RBFOX1: variants seen among roughly 807,000 people sequenced by gnomAD.
RBFOX1 encodes the protein RNA binding protein fox-1 homolog 1.
A neutral mutation model predicts 57.7 loss-of-function variants in RBFOX1; 8 were observed. The ratio of observed to expected loss-of-function variants is 0.14; its 90% confidence interval spans 0.08 to 0.25. RBFOX1 has a LOEUF of 0.25. Ranked by LOEUF, RBFOX1 falls within the 10% of genes least tolerant of loss-of-function variation. RBFOX1 has a pLI of 1.00. For missense variants in RBFOX1, 611 were observed against 548.5 expected, an observed-to-expected ratio of 1.11 and a Z score of -1.14; for synonymous variants, 326 against 222.4, an observed-to-expected ratio of 1.47 and a Z score of -4.15.
intron 3 of RBFOX1, among the ~76,000 whole-genome samples, chr16:5,630,943 C>T (rs1409565301): frequency 6.6e-6 from 1 of 152,150 alleles, no homozygotes; most frequent in Non-Finnish European, 1.5e-5. Context: ...TATTCCAAAA[C>T]AGCTGCAGAA....
intron 3 of RBFOX1, among the ~76,000 whole-genome samples, chr16:6,887,964 T>C (rs960501220): frequency 2.0e-5 from 3 of 152,060 alleles, no homozygotes; most frequent in African/African-American, 4.8e-5. Flanking sequence ...GCCTGTCCCA[T>C]CCTCATCATT....
At chr16:6,404,382 T>C (rs2093196715) in intron 2 of RBFOX1, among the ~76,000 whole-genome samples, 1 of 152,118 alleles carries the variant, frequency 6.6e-6, no homozygotes, top group African/African-American at 2.4e-5. Flanking sequence ...CCAATTTCTG[T>C]GGCTACTGAG....
chr16:6,921,774 T>G (rs147528120), intron 3 of RBFOX1, among the ~76,000 whole-genome samples: 89 of 145,612 alleles, frequency 6.1e-4, no homozygotes, highest in African/African-American at 1.9e-3. Context: ...TATGAAGATG[T>G]ATGTTGTATA....
At chr16:7,479,354 C>T (rs544012061) in intron 4 of RBFOX1, among the ~76,000 whole-genome samples, 1 of 152,192 alleles carries the variant, frequency 6.6e-6, no homozygotes, top group South Asian at 2.1e-4. Context: ...TAGTCTTGAA[C>T]TCCTGGGCTC....
chr16:6,766,976 T>G (rs190545372), intron 3 of RBFOX1, among the ~76,000 whole-genome samples: 2 of 152,256 alleles, frequency 1.3e-5, no homozygotes, highest in Admixed American at 1.3e-4. Context: ...GGCTGAAGGC[T>G]GAAGGAACAA....
intron 5 of RBFOX1, among the ~76,000 whole-genome samples, chr16:7,558,505 G>A (rs1480715406): frequency 6.6e-6 from 1 of 151,700 alleles, no homozygotes; most frequent in Non-Finnish European, 1.5e-5. Flanking sequence ...TTTCGTATAT[G>A]TATATACATA....
intron 3 of RBFOX1, among the ~76,000 whole-genome samples, chr16:6,674,990 C>G (rs1213648524): frequency 6.6e-6 from 1 of 152,156 alleles, no homozygotes; most frequent in Non-Finnish European, 1.5e-5. Context: ...ACTGCAACCT[C>G]TGCCTCCCAG....
intron 1 of RBFOX1, among the ~76,000 whole-genome samples, chr16:5,313,594 G>A (rs2064150165): frequency 6.6e-6 from 1 of 152,102 alleles, no homozygotes; most frequent in African/African-American, 2.4e-5. Context: ...CACATGGCTG[G>A]GGAGGCCTCA....
chr16:7,304,166 G>C, intron 4 of RBFOX1: 1 of 974,312 alleles, frequency 1.0e-6, no homozygotes, highest in African/African-American at 1.8e-5. Context: ...GGCGGGGTGC[G>C]GTGGGGGGAG....
intron 4 of RBFOX1, among the ~76,000 whole-genome samples, chr16:7,225,784 T>C (rs2093060849): frequency 6.9e-6 from 1 of 144,146 alleles, no homozygotes; most frequent in Non-Finnish European, 1.5e-5. Flanking sequence ...GGGATAGCAT[T>C]AGGAGATATA....
At chr16:6,900,773 C>G (rs529567781) in intron 3 of RBFOX1, among the ~76,000 whole-genome samples, 5 of 152,302 alleles carry the variant, frequency 3.3e-5, no homozygotes, top group Admixed American at 6.5e-5. Flanking sequence ...GTAAGACCCT[C>G]TCCTCTTCCT....
chr16:6,671,363 CATCTT>C (rs977476278), intron 3 of RBFOX1, among the ~76,000 whole-genome samples: 9 of 152,152 alleles, frequency 5.9e-5, no homozygotes, highest in Non-Finnish European at 7.3e-5. Context: ...AATAAAAACA[CATCTT>C]ATAAGATATT....
chr16:5,895,643 C>T (rs2058145865), intron 4 of RBFOX1, among the ~76,000 whole-genome samples: 1 of 152,180 alleles, frequency 6.6e-6, no homozygotes, highest in Non-Finnish European at 1.5e-5. Context: ...CACTAACGTG[C>T]AGTCTAACTG....
chr16:6,210,499 A>G (rs1392726910), intron 1 of RBFOX1, among the ~76,000 whole-genome samples: 1 of 151,958 alleles, frequency 6.6e-6, no homozygotes, highest in Admixed American at 6.6e-5. Context: ...AGAAGCTGAG[A>G]CAAGAGGATC....
chr16:6,225,110 G>T (rs1208347017), intron 1 of RBFOX1, among the ~76,000 whole-genome samples: 6 of 151,820 alleles, frequency 4.0e-5, no homozygotes, highest in African/African-American at 1.2e-4. Flanking sequence ...TCTGGGAAGT[G>T]ATGGACTACA....
At chr16:7,435,555 C>T (rs1263957043) in intron 4 of RBFOX1, among the ~76,000 whole-genome samples, 1 of 152,164 alleles carries the variant, frequency 6.6e-6, no homozygotes, top group East Asian at 1.9e-4. Flanking sequence ...CTTGAAGCAG[C>T]AGCATCTACA....
chr16:6,634,084 CACACAT>C (rs60932754), intron 2 of RBFOX1, among the ~76,000 whole-genome samples: 30,470 of 151,626 alleles, frequency 0.2, 3,092 homozygotes, highest in Non-Finnish European at 0.22. Context: ...CACATACACA[CACACAT>C]ACACATACAC....
intron 2 of RBFOX1, among the ~76,000 whole-genome samples, chr16:6,392,377 G>A (rs375303177): frequency 1.4e-4 from 22 of 152,164 alleles, no homozygotes; most frequent in African/African-American, 2.9e-4. Flanking sequence ...CCTTAAATAC[G>A]TTACATTATA....
intron 3 of RBFOX1, among the ~76,000 whole-genome samples, chr16:6,823,049 G>T (rs897357950): frequency 6.6e-6 from 1 of 152,056 alleles, no homozygotes; most frequent in Non-Finnish European, 1.5e-5. Context: ...TTTGTTATTG[G>T]CATGTGTGTT....
Sources: gnomAD v4.1 joint callset for allele counts (sites outside exome capture counted in the v4.1 genomes callset) on GRCh38, gnomAD v4.1.1 for gene constraint, MANE v1.5 for transcripts, NCBI Gene and HGNC (gene_info 2026-07-23, HGNC 2026-07-21) for gene names.